IFT52: variants seen among roughly 807,000 people sequenced by gnomAD.
The protein encoded by IFT52 is intraflagellar transport 52.
In IFT52, 44 loss-of-function variants were observed where a neutral mutation model predicts 54.4. That is an observed-to-expected ratio of 0.81 (90% CI 0.63 to 1.04). The LOEUF (loss-of-function observed/expected upper bound fraction) is 1.04, where lower values mean the gene tolerates loss of function less well. IFT52 is among the 50% of genes least tolerant of loss of function. The pLI is 0.00. For missense variants in IFT52, 452 were observed against 523.6 expected, an observed-to-expected ratio of 0.86 and a Z score of 1.33; for synonymous variants, 181 against 185.3, an observed-to-expected ratio of 0.98 and a Z score of 0.19.
intron 13 of IFT52, 79 bp downstream of exon 13, chr20:43,642,703 T>A (rs1242356599): frequency 1.4e-5 from 19 of 1,389,716 alleles, no homozygotes; most frequent in Non-Finnish European, 1.8e-5. Flanking sequence ...TGCCATGTTT[T>A]ATGACGTTGA....
intron 9 of IFT52, chr20:43,621,138 GCATA>G: frequency 1.4e-5 from 6 of 436,720 alleles, no homozygotes; most frequent in Non-Finnish European, 1.7e-5. Context: ...TGGAGGGGGA[GCATA>G]CATACATACA....
chr20:43,603,709 G>T (rs562356480), intron 3 of IFT52, 51 bp from the exon 4 acceptor site: 1 of 1,562,566 alleles, frequency 6.4e-7, no homozygotes, highest in Middle Eastern at 1.7e-4. Flanking sequence ...ATGGTATTTC[G>T]GGCAAAAGTC....
intron 12 of IFT52, among the ~76,000 whole-genome samples, chr20:43,641,618 C>T (rs1337824061): frequency 4.0e-5 from 6 of 149,364 alleles, no homozygotes; most frequent in Admixed American, 6.7e-5. Flanking sequence ...CTCAGCCTCC[C>T]GAGTAGCTGG....
rs192910262 is a variant in IFT52, at chr20:43,606,152, T to C, written c.485+1079T>C. ...AGGAGAATCACTTGAACCTGGGAGGTGGAGGTTGCATTGAGCTGCCATCGT... is the reference window on the plus strand; with the variant it reads ...AGGAGAATCACTTGAACCTGGGAGGCGGAGGTTGCATTGAGCTGCCATCGT... On this transcript the variant is annotated intron_variant, in intron 6 of 13. Coordinates refer to ENST00000373030, the MANE Select transcript of IFT52 (RefSeq NM_016004.5). Among the ~76,000 whole-genome samples, 124 of 150,620 alleles carry C rather than the reference T, an allele frequency of 8.2e-4. 1 individual carries two copies. The highest frequency in any genetic ancestry group is 2.8e-3 in the African/African-American group (115 of 40,908).
chr20:43,619,112 T>C (rs866692686), intron 8 of IFT52, 86 bp downstream of exon 8: 2 of 976,076 alleles, frequency 2.0e-6, no homozygotes, highest in Admixed American at 2.1e-5. Flanking sequence ...TATTTGCTCA[T>C]TTAAAAGCAG....
intron 6 of IFT52, among the ~76,000 whole-genome samples, chr20:43,612,014 G>C (rs1370192295): frequency 6.6e-6 from 1 of 151,688 alleles, no homozygotes; most frequent in Non-Finnish European, 1.5e-5. Flanking sequence ...TGGGTGATAA[G>C]AGCAAAACTC....
intron 10 of IFT52, among the ~76,000 whole-genome samples, chr20:43,626,093 G>A (rs1194210815): frequency 6.6e-6 from 1 of 151,158 alleles, no homozygotes; most frequent in Non-Finnish European, 1.5e-5. Flanking sequence ...TGCAGGAAGA[G>A]CAGAAGTTCA....
At chr20:43,623,078 G>C (rs888103287) in intron 9 of IFT52, among the ~76,000 whole-genome samples, 2 of 152,078 alleles carry the variant, frequency 1.3e-5, no homozygotes, top group Admixed American at 6.6e-5. Flanking sequence ...TGGATGCTAG[G>C]GGGTGGGCAC....
rs78505650 is a variant in IFT52 at position 43,639,265 on chromosome 20, C to T, written c.1120+2012C>T. Among the ~76,000 whole-genome samples the T allele has an allele frequency of 4.2e-3, 628 of 148,722 alleles. 6 individuals are homozygous for T. The highest frequency in any genetic ancestry group is 0.014 in the African/African-American group (579 of 40,476). On this transcript the variant is annotated intron_variant, in intron 12 of 13. Transcript: ENST00000373030. ...AAAAAAAAAAAAAATTGCCTGAGCA[C>T]GGTGGATCATGCCTATAATCTGAAC...
intron 2 of IFT52, among the ~76,000 whole-genome samples, chr20:43,595,562 C>T (rs1302893297): frequency 1.3e-5 from 2 of 150,940 alleles, no homozygotes; most frequent in Non-Finnish European, 3.0e-5. Context: ...AATAAAAAAA[C>T]ATTATTCAGA....
chr20:43,594,932 T>A, intron 2 of IFT52, 115 bp downstream of exon 2: 1 of 696,894 alleles, frequency 1.4e-6, no homozygotes, highest in Non-Finnish European at 2.6e-6. Context: ...AAGCTCAATT[T>A]AAAGATTATT....
At chr20:43,637,826 AC>A (rs1348278421) in intron 12 of IFT52, among the ~76,000 whole-genome samples, 1 of 152,170 alleles carries the variant, frequency 6.6e-6, no homozygotes, top group African/African-American at 2.4e-5. Flanking sequence ...CTTAGTTCTG[AC>A]CTATTGAGAG....
intron 9 of IFT52, among the ~76,000 whole-genome samples, chr20:43,621,331 CATT>C: frequency 6.6e-6 from 1 of 152,260 alleles, no homozygotes; most frequent in Non-Finnish European, 1.5e-5. Flanking sequence ...GTTCTAAAGG[CATT>C]ATAATAATAT....
At position 43,596,414 on chromosome 20, in the gene IFT52, CT is replaced by C; in HGVS notation, c.120-17del. ...GTTTAAATTATGGACTTCATATTTG[CT>C]TTTAAAATTGTATTTCCAGCTTAAA... On this transcript the variant is annotated intron_variant, in intron 2 of 13. Coordinates refer to ENST00000373030, the MANE Select transcript of IFT52 (RefSeq NM_016004.5). 5 of 1,472,462 alleles carry C rather than the reference CT, an allele frequency of 3.4e-6. No individual in the cohort carries two copies. The highest frequency in any genetic ancestry group is 4.7e-6 in the Non-Finnish European group (5 of 1,060,372). 91.2% of individuals were successfully genotyped at this position (1,472,462 alleles called of 1,614,324 possible).
At chr20:43,594,223 G>A (rs1168962423) in intron 1 of IFT52, among the ~76,000 whole-genome samples, 1 of 152,084 alleles carries the variant, frequency 6.6e-6, no homozygotes, top group Admixed American at 6.5e-5. Flanking sequence ...CAGGAGAATC[G>A]CTTGAACCCG....
chr20:43,595,049 C>G lies in IFT52; in HGVS notation c.119+232C>G, dbSNP rs57751840. On this transcript the variant is annotated intron_variant, in intron 2 of 13. Coordinates refer to ENST00000373030, the MANE Select transcript of IFT52 (RefSeq NM_016004.5). ...AGATCAAGACTGGCCGGCACGGTGG[C>G]TGACACCTGTAATCCCAGCACTTTG... is the stretch of plus-strand genomic sequence containing the variant. Among the ~76,000 whole-genome samples the G allele has an allele frequency of 0.029, 4,402 of 151,654 alleles. 221 individuals are homozygous for G. Among genetic ancestry groups the G allele is most frequent in the African/African-American group, 0.092 (3,797 of 41,302 alleles).
rs749993194 is a variant in IFT52 at position 43,633,617 on chromosome 20, A to C, written c.924-2309A>C. ...TAGCTACTCGGGAGGTTGAGGCAGG[A>C]GCATCGCTTGAACCCGGGAGGCAGA... On this transcript the variant is annotated intron_variant, in intron 10 of 13. Coordinates refer to ENST00000373030, the MANE Select transcript of IFT52 (RefSeq NM_016004.5). 8.8e-4 allele frequency among the ~76,000 whole-genome samples: 134 copies of C among 152,024 alleles called. 2 individuals carry two copies. The highest frequency in any genetic ancestry group is 4.1e-4 in the Non-Finnish European group (28 of 68,020).
At chr20:43,592,660 G>A (rs6030974) in intron 1 of IFT52, among the ~76,000 whole-genome samples, 131,301 of 152,118 alleles carry the variant, frequency 0.86, 56,946 homozygotes, top group African/African-American at 0.96. Flanking sequence ...ACTCTTCTAA[G>A]TGTTTCATGT....
intron 9 of IFT52, among the ~76,000 whole-genome samples, chr20:43,622,765 A>ATATTTTTATTT (rs200912523): frequency 8.7e-6 from 1 of 115,270 alleles, no homozygotes; most frequent in African/African-American, 3.7e-5. Context: ...AAATATATAC[A>ATATTTTTATTT]AATTGTGTGT....
Sources: gnomAD v4.1 joint callset for allele counts (sites outside exome capture counted in the v4.1 genomes callset) on GRCh38, gnomAD v4.1.1 for gene constraint, MANE v1.5 for transcripts, NCBI Gene and HGNC (gene_info 2026-07-23, HGNC 2026-07-21) for gene names.